RARB: variants seen among roughly 807,000 people sequenced by gnomAD.
RARB encodes the protein retinoic acid receptor beta, also known as HBV-activated protein.
A neutral mutation model predicts 51.9 loss-of-function variants in RARB; 17 were observed. That is an observed-to-expected ratio of 0.33 (90% CI 0.22 to 0.49). The LOEUF is 0.49. Among genes scored for constraint, RARB ranks in the 20% least tolerant of loss-of-function variants. The pLI is 0.99. For missense variants in RARB, 369 were observed against 550.8 expected (o/e 0.67, Z 3.30); for synonymous variants, 215 against 195.4 (o/e 1.10, Z -0.84).
At chr3:25,179,262 A>G (rs966070815) in intron 5 of RARB, among the ~76,000 whole-genome samples, 6 of 152,164 alleles carry the variant, frequency 3.9e-5, no homozygotes, top group African/African-American at 1.4e-4. Context: ...GAATTTCCTT[A>G]TTACATGTTA....
rs112387048 is a variant in RARB, at chr3:25,256,597, G to A, written c.178+82022G>A. On this transcript the variant is annotated intron_variant, in intron 5 of 11. Transcript: ENST00000383772. ...CCCATAATCAAACGTATAACCATGA[G>A]TTCAGAATTTTTATTTGAGCAAATA... Among the ~76,000 whole-genome samples, 422 of 152,150 alleles carry A rather than the reference G, an allele frequency of 2.8e-3. 2 individuals carry two copies. Among genetic ancestry groups the A allele is most frequent in the African/African-American group, 9.8e-3 (407 of 41,528 alleles).
At chr3:25,246,738 T>C (rs1702570758) in intron 5 of RARB, among the ~76,000 whole-genome samples, 1 of 152,098 alleles carries the variant, frequency 6.6e-6, no homozygotes, top group Non-Finnish European at 1.5e-5. Flanking sequence ...TAGAGCTCTC[T>C]TCTAAGAGGT....
intron 5 of RARB, among the ~76,000 whole-genome samples, chr3:25,269,048 T>C (rs190257344): frequency 1.6e-4 from 24 of 152,284 alleles, no homozygotes; most frequent in Admixed American, 1.4e-3. Flanking sequence ...ATATAAAGAA[T>C]GTTGAATACC....
chr3:25,343,220 T>C (rs1416396869), intron 5 of RARB, among the ~76,000 whole-genome samples: 1 of 152,132 alleles, frequency 6.6e-6, no homozygotes, highest in Admixed American at 6.6e-5. Context: ...TCTGCTCTTC[T>C]CTCTGCTCTT....
At chr3:25,096,081 T>G (rs1451491542) in intron 3 of RARB, among the ~76,000 whole-genome samples, 2 of 152,152 alleles carry the variant, frequency 1.3e-5, no homozygotes, top group Non-Finnish European at 2.9e-5. Context: ...TTTTTCAACA[T>G]TATAATTTTA....
intron 5 of RARB, among the ~76,000 whole-genome samples, chr3:25,592,860 T>A (rs1270027101): frequency 6.6e-6 from 1 of 152,204 alleles, no homozygotes; most frequent in East Asian, 1.9e-4. Flanking sequence ...ACCTTGCTGG[T>A]TTCACTCATG....
chr3:25,440,955 A>G (rs1179393417), intron 1 of RARB, among the ~76,000 whole-genome samples: 1 of 152,142 alleles, frequency 6.6e-6, no homozygotes, highest in Non-Finnish European at 1.5e-5. Context: ...ATGAAGATGG[A>G]AAAACTGCCA....
intron 1 of RARB, among the ~76,000 whole-genome samples, chr3:25,438,167 A>T (rs1180856058): frequency 6.6e-6 from 1 of 152,168 alleles, no homozygotes; most frequent in African/African-American, 2.4e-5. Context: ...TGACTTGTGC[A>T]TGTCACAGCA....
At chr3:24,959,646 C>A (rs1008500284) in intron 2 of RARB, among the ~76,000 whole-genome samples, 1 of 152,154 alleles carries the variant, frequency 6.6e-6, no homozygotes, top group Non-Finnish European at 1.5e-5. Context: ...TGCCCTTTTC[C>A]GTCTAGAATT....
chr3:25,126,516 C>G (rs1342217742), intron 3 of RARB, among the ~76,000 whole-genome samples: 5 of 151,966 alleles, frequency 3.3e-5, no homozygotes, highest in South Asian at 4.2e-4. Flanking sequence ...GAAGGATACG[C>G]TTCCAGTCTG....
chr3:25,458,476 C>T (rs1345928128), intron 1 of RARB: 1 of 152,146 alleles, frequency 6.6e-6, no homozygotes, highest in East Asian at 1.9e-4. Flanking sequence ...GCAGTGTTTT[C>T]TTGTTAATTC....
chr3:24,979,350 C>T (rs1459206374), intron 2 of RARB, among the ~76,000 whole-genome samples: 1 of 152,060 alleles, frequency 6.6e-6, no homozygotes, highest in African/African-American at 2.4e-5. Flanking sequence ...TAAAGTCTCT[C>T]ATTATTATTG....
intron 5 of RARB, among the ~76,000 whole-genome samples, chr3:25,241,269 CTTG>C (rs1409440735): frequency 6.6e-6 from 1 of 152,024 alleles, no homozygotes; most frequent in African/African-American, 2.4e-5. Context: ...TGAGCAGATA[CTTG>C]TTATGATTTT....
intron 5 of RARB, among the ~76,000 whole-genome samples, chr3:25,364,630 A>C (rs1405818675): frequency 6.6e-6 from 1 of 152,242 alleles, no homozygotes; most frequent in Non-Finnish European, 1.5e-5. Context: ...GTAAGAGAGC[A>C]ATGGAAGACT....
At chr3:25,490,916 A>G (rs2125592105) in intron 2 of RARB, among the ~76,000 whole-genome samples, 1 of 152,298 alleles carries the variant, frequency 6.6e-6, no homozygotes, top group South Asian at 2.1e-4. Flanking sequence ...GAGAAGAGCG[A>G]AATCTTGCAT....
At chr3:25,577,741 A>G (rs1392450511) in intron 4 of RARB, among the ~76,000 whole-genome samples, 1 of 152,198 alleles carries the variant, frequency 6.6e-6, no homozygotes, top group Non-Finnish European at 1.5e-5. Context: ...GTTGCAGCAG[A>G]GAACCAAACC....
intron 5 of RARB, among the ~76,000 whole-genome samples, chr3:25,367,007 C>T (rs1485469538): frequency 6.6e-6 from 1 of 152,002 alleles, no homozygotes; most frequent in African/African-American, 2.4e-5. Context: ...GAAAGGATGA[C>T]CCTTAAACAG....
chr3:25,292,614 C>G (rs1703817612), intron 5 of RARB, among the ~76,000 whole-genome samples: 1 of 152,246 alleles, frequency 6.6e-6, no homozygotes, highest in East Asian at 1.9e-4. Flanking sequence ...CAGAGTTAGG[C>G]AAAGAAAGAT....
intron 5 of RARB, among the ~76,000 whole-genome samples, chr3:25,309,954 T>C (rs1704249401): frequency 6.6e-6 from 1 of 152,172 alleles, no homozygotes; most frequent in Non-Finnish European, 1.5e-5. Flanking sequence ...CAAAGATTCT[T>C]CTTGAAAGTC....
Sources: allele counts gnomAD v4.1 joint callset (sites outside exome capture counted in the v4.1 genomes callset), GRCh38; gene constraint gnomAD v4.1.1; transcripts MANE v1.5; gene names NCBI Gene and HGNC (gene_info 2026-07-23, HGNC 2026-07-21).